The following ST6GALNAC3 variants were observed in gnomAD, a reference collection of about 807,000 sequenced individuals.
The protein encoded by ST6GALNAC3 is alpha-N-acetylgalactosaminide alpha-2,6-sialyltransferase 3.
ST6GALNAC3 carries 25 observed loss-of-function variants against 32.7 expected under a neutral mutation model. The observed-to-expected ratio is 0.76, with a 90% CI of 0.56 to 1.07. The LOEUF (loss-of-function observed/expected upper bound fraction) is 1.07. Ranked by LOEUF, ST6GALNAC3 falls within the 50% of genes least tolerant of loss-of-function variation. The pLI is 0.00. For missense variants in ST6GALNAC3, 355 were observed against 382.4 expected, an observed-to-expected ratio of 0.93 and a Z score of 0.60; for synonymous variants, 129 against 133.1, an observed-to-expected ratio of 0.97 and a Z score of 0.21.
chr1:76,314,109 A>G, intron 2 of ST6GALNAC3, 110 bp downstream of exon 2: 3 of 1,033,600 alleles, frequency 2.9e-6, no homozygotes, highest in Non-Finnish European at 4.1e-6. Flanking sequence ...TGCCCCGGAG[A>G]GCTTGCTTGG....
rs540864012 is a variant in ST6GALNAC3, at chr1:76,623,106, TA to T, written c.624-4345del. On this transcript the variant is annotated intron_variant, in intron 3 of 4. Coordinates refer to ENST00000328299, the MANE Select transcript of ST6GALNAC3 (RefSeq NM_152996.4). ...GTGATGGCCTTTCGACATGAAGGAATAGGGGTAAACATCAAGGGTAAAGTAG... is the reference window on the plus strand; with the variant it reads ...GTGATGGCCTTTCGACATGAAGGAATGGGGTAAACATCAAGGGTAAAGTAG... Among the ~76,000 whole-genome samples the T allele has an allele frequency of 6.4e-3, 970 of 151,922 alleles. 6 individuals carry two copies. Among genetic ancestry groups the T allele is most frequent in the Non-Finnish European group, 8.4e-3 (572 of 67,868 alleles).
intron 1 of ST6GALNAC3, among the ~76,000 whole-genome samples, chr1:76,085,722 A>G (rs1167473586): frequency 2.0e-5 from 3 of 152,204 alleles, no homozygotes; most frequent in African/African-American, 7.2e-5. Context: ...AGGTGATACT[A>G]GCACTGCACA....
At chr1:76,256,673 C>T (rs759570362) in intron 1 of ST6GALNAC3, among the ~76,000 whole-genome samples, 9 of 151,456 alleles carry the variant, frequency 5.9e-5, no homozygotes, top group Admixed American at 2.6e-4. Flanking sequence ...CACGGGATGA[C>T]AGCAGATATC....
intron 3 of ST6GALNAC3, among the ~76,000 whole-genome samples, chr1:76,467,984 T>G (rs1658755657): frequency 6.6e-6 from 1 of 152,014 alleles, no homozygotes; most frequent in African/African-American, 2.4e-5. Flanking sequence ...TATTGGTATT[T>G]ATGTATATGA....
At chr1:76,626,972 T>C (rs987140246) in intron 3 of ST6GALNAC3, among the ~76,000 whole-genome samples, 11 of 151,914 alleles carry the variant, frequency 7.2e-5, no homozygotes, top group African/African-American at 2.2e-4. Context: ...GTTATTCACA[T>C]ACACTGCATG....
chr1:76,273,276 T>G (rs1658953800), intron 1 of ST6GALNAC3, among the ~76,000 whole-genome samples: 1 of 151,294 alleles, frequency 6.6e-6, no homozygotes, highest in South Asian at 2.1e-4. Flanking sequence ...AATATTTATA[T>G]AGAGAAAGCT....
intron 3 of ST6GALNAC3, among the ~76,000 whole-genome samples, chr1:76,432,137 AT>A (rs1655800376): frequency 6.6e-6 from 1 of 152,132 alleles, no homozygotes; most frequent in Non-Finnish European, 1.5e-5. Context: ...ACTCCTTTAA[AT>A]TTCTTACTTA....
chr1:76,263,466 C>G (rs746209799), intron 1 of ST6GALNAC3, among the ~76,000 whole-genome samples: 7 of 152,210 alleles, frequency 4.6e-5, no homozygotes, highest in East Asian at 3.9e-4. Flanking sequence ...TCGTCTTTCC[C>G]CTACCCCAAT....
chr1:76,498,933 C>G (rs959831062), intron 3 of ST6GALNAC3, among the ~76,000 whole-genome samples: 22 of 152,016 alleles, frequency 1.4e-4, no homozygotes, highest in Admixed American at 5.2e-4. Flanking sequence ...GAATGTAAGT[C>G]TCCTGCACAG....
At chr1:76,209,403 G>T (rs192172581) in intron 1 of ST6GALNAC3, among the ~76,000 whole-genome samples, 1 of 152,308 alleles carries the variant, frequency 6.6e-6, no homozygotes, top group East Asian at 1.9e-4. Context: ...GCCAGGATGA[G>T]GGGCCAAGGG....
At position 76,629,904 on chromosome 1, in the gene ST6GALNAC3, A is replaced by G; in HGVS notation, c.*1098A>G. On this transcript the variant is annotated 3_prime_UTR_variant, in exon 5 of 5. Coordinates refer to ENST00000328299, the MANE Select transcript of ST6GALNAC3 (RefSeq NM_152996.4). ...ACACATGGAGAGGAAATGATTCCTT[A>G]TATTAAACCTGACCAGAGCTTTTTG... The G allele has an allele frequency of 1.0e-6, 1 of 985,120 alleles. No individual in the cohort carries two copies. Among genetic ancestry groups the G allele is most frequent in the Non-Finnish European group, 1.2e-6 (1 of 829,784 alleles). 61.0% of individuals were successfully genotyped at this position (985,120 alleles called of 1,614,324 possible). A position where few individuals can be genotyped will look rare whatever the true frequency, so the allele number is the denominator to read the frequency against.
chr1:76,111,583 C>T (rs374182424), intron 1 of ST6GALNAC3, among the ~76,000 whole-genome samples: 3,701 of 149,602 alleles, frequency 0.025, 113 homozygotes, highest in Admixed American at 0.072. Context: ...GAGGACCCTG[C>T]GGCCTTCCGC....
intron 2 of ST6GALNAC3, among the ~76,000 whole-genome samples, chr1:76,358,837 C>T (rs1649701312): frequency 6.6e-6 from 1 of 152,144 alleles, no homozygotes; most frequent in Non-Finnish European, 1.5e-5. Context: ...ATCCTTCAAA[C>T]ATAGAGGACA....
chr1:76,377,735 G>T (rs1362457592), intron 2 of ST6GALNAC3, among the ~76,000 whole-genome samples: 1 of 151,934 alleles, frequency 6.6e-6, no homozygotes, highest in Middle Eastern at 3.2e-3. Context: ...AACTCTTTAG[G>T]TTTCAAATAT....
At chr1:76,321,657 A>C (rs1369646537) in intron 2 of ST6GALNAC3, among the ~76,000 whole-genome samples, 1 of 152,192 alleles carries the variant, frequency 6.6e-6, no homozygotes, top group East Asian at 1.9e-4. Context: ...CACATCCATC[A>C]GTCAGTGCAG....
Position 76,509,675 on chromosome 1 carries a change from T to C in ST6GALNAC3, c.623+97258T>C, listed in dbSNP as rs1310835784. On this transcript the variant is annotated intron_variant, in intron 3 of 4. Coordinates refer to ENST00000328299, the MANE Select transcript of ST6GALNAC3 (RefSeq NM_152996.4). This position sits in a 1 kb window ranked among gnomAD's most constrained non-coding sequence, Gnocchi z 5.5. ...TCTAAAATGGGTTGTTAGGGCTGCA[T>C]TCCTTCTGGAAGATCCAAGGGAGAA... 1.3e-5 allele frequency among the ~76,000 whole-genome samples: 2 copies of C among 152,192 alleles called. No individual in the cohort carries two copies. Among genetic ancestry groups the C allele is most frequent in the African/African-American group, 2.4e-5 (1 of 41,464 alleles).
intron 1 of ST6GALNAC3, among the ~76,000 whole-genome samples, chr1:76,260,973 T>TACAC (rs59946768): frequency 0.086 from 12,549 of 146,160 alleles, 572 homozygotes; most frequent in South Asian, 0.11. Flanking sequence ...GAGGTTTTGA[T>TACAC]ACACACACAC....
chr1:76,143,117 T>G (rs983749945), intron 1 of ST6GALNAC3, among the ~76,000 whole-genome samples: 10 of 152,188 alleles, frequency 6.6e-5, no homozygotes, highest in African/African-American at 1.9e-4. Context: ...CATAGAAGGC[T>G]TTTGGGCTGT....
intron 1 of ST6GALNAC3, among the ~76,000 whole-genome samples, chr1:76,273,767 A>G (rs774966292): frequency 6.6e-6 from 1 of 152,192 alleles, no homozygotes; most frequent in Non-Finnish European, 1.5e-5. Flanking sequence ...CAATCCATGA[A>G]TCTCACTTTT....
Sources: allele counts gnomAD v4.1 joint callset (sites outside exome capture counted in the v4.1 genomes callset), GRCh38; gene constraint gnomAD v4.1.1; non-coding constraint Gnocchi (gnomAD v3.1); transcripts MANE v1.5; gene names NCBI Gene and HGNC (gene_info 2026-07-23, HGNC 2026-07-21).